Variants in TTC19 observed in about 807,000 individuals in gnomAD.
The protein encoded by TTC19 is tetratricopeptide repeat protein 19, mitochondrial.
In TTC19, 38 loss-of-function variants were observed where a neutral mutation model predicts 49.5. That is an observed-to-expected ratio of 0.77 (90% confidence interval 0.59 to 1.01). The LOEUF (loss-of-function observed/expected upper bound fraction) is 1.01, where lower values mean the gene tolerates loss of function less well. Ranked by LOEUF, TTC19 falls within the 50% of genes least tolerant of loss-of-function variation. The probability of loss-of-function intolerance (pLI) is 0.00; values close to 1 mark genes in which losing one functional copy is unlikely to be tolerated. For synonymous variants in TTC19, 204 were observed against 185.2 expected (o/e 1.10, Z -0.83); for missense variants, 475 against 477.7 (o/e 0.99, Z 0.05).
intron 2 of TTC19, among the ~76,000 whole-genome samples, chr17:16,037,718 A>C (rs930868596): frequency 7.2e-5 from 11 of 152,254 alleles, no homozygotes; most frequent in African/African-American, 2.7e-4. Flanking sequence ...AAGCTTCTTC[A>C]TGCTACTACA....
intron 2 of TTC19, among the ~76,000 whole-genome samples, chr17:16,041,573 C>T (rs1311915877): frequency 6.6e-6 from 1 of 151,258 alleles, no homozygotes; most frequent in Non-Finnish European, 1.5e-5. Flanking sequence ...CGCCACCATG[C>T]CCAGCTAATT....
chr17:16,030,481 T>C (rs1307757353), downstream of TTC19: 1 of 203,218 alleles, frequency 4.9e-6, no homozygotes, highest in East Asian at 7.5e-5. Flanking sequence ...CTCTAAAATA[T>C]TACCAGTACC....
chr17:16,026,752 C>T (rs1331943225), intron 9 of TTC19, 50 bp downstream of exon 9: 3 of 1,595,902 alleles, frequency 1.9e-6, no homozygotes, highest in Admixed American at 3.3e-5. Context: ...AGGGATGTCA[C>T]TGGATTGATA....
At chr17:16,044,997 A>C (rs1011668541) in exon 3 of TTC19, 11 of 477,742 alleles carry the variant, frequency 2.3e-5, no homozygotes, top group African/African-American at 6.0e-5. Context: ...AGCTGAACTT[A>C]AGAAAAAAAA....
At chr17:16,006,441 G>A (rs1390996177) in intron 6 of TTC19, 33 bp from the exon 7 acceptor site, 1 of 1,447,606 alleles carries the variant, frequency 6.9e-7, no homozygotes, top group African/African-American at 1.4e-5. Flanking sequence ...AAGAAGAAAA[G>A]GTAAATGGCT....
intron 9 of TTC19, 151 bp downstream of exon 9, chr17:16,026,853 G>A: frequency 1.2e-6 from 1 of 837,062 alleles, no homozygotes; most frequent in Non-Finnish European, 2.0e-6. Context: ...AGGAGGTATT[G>A]ATTAGGTTGA....
chr17:16,023,356 G>C (rs1259959822), intron 7 of TTC19: 1 of 152,074 alleles, frequency 6.6e-6, no homozygotes, highest in African/African-American at 2.4e-5. Flanking sequence ...TTGTACTTTT[G>C]TTTTACTACT....
chr17:16,027,045 TATC>T (rs1971583838), intron 9 of TTC19: 3 of 507,902 alleles, frequency 5.9e-6, no homozygotes, highest in Non-Finnish European at 1.1e-5. Flanking sequence ...TGACAGGAAG[TATC>T]ATTTTGTCAG....
chr17:16,016,466 T>C (rs1971219364), intron 7 of TTC19, among the ~76,000 whole-genome samples: 1 of 152,092 alleles, frequency 6.6e-6, no homozygotes, highest in African/African-American at 2.4e-5. Flanking sequence ...TTGAATGGAG[T>C]TTTCTATGAA....
At chr17:16,040,647 TA>T (rs776375466) in intron 2 of TTC19, 134 of 767,790 alleles carry the variant, frequency 1.7e-4, no homozygotes, top group South Asian at 6.6e-4. Context: ...AAAATGGAAG[TA>T]TTTTTTTTTT....
At chr17:16,000,914 T>C (rs1243048619) in intron 2 of TTC19, among the ~76,000 whole-genome samples, 2 of 152,210 alleles carry the variant, frequency 1.3e-5, no homozygotes, top group Non-Finnish European at 2.9e-5. Flanking sequence ...AAAAACCTCA[T>C]AGTCATTCTT....
At chr17:16,018,673 AT>A (rs1971283149) in intron 7 of TTC19, among the ~76,000 whole-genome samples, 1 of 151,850 alleles carries the variant, frequency 6.6e-6, no homozygotes, top group Non-Finnish European at 1.5e-5. Flanking sequence ...TGCCTGGCTA[AT>A]TTCCGGATTT....
chr17:16,033,572 T>G (rs1972982672), downstream of TTC19, among the ~76,000 whole-genome samples: 1 of 152,278 alleles, frequency 6.6e-6, no homozygotes, highest in East Asian at 1.9e-4. Context: ...TTCAGATTTT[T>G]TTCAGTGACA....
intron 9 of TTC19, 188 bp from the exon 10 acceptor site, chr17:16,027,186 G>A (rs1330511935): frequency 1.5e-5 from 10 of 669,646 alleles, no homozygotes; most frequent in African/African-American, 5.4e-5. Context: ...GGAAAGGGCC[G>A]TTAGGAATCC....
rs775218326 is a variant in TTC19 at position 16,025,150 on chromosome 17, A to C, written c.810A>C (p.Ile270=). ...YEKALQISEE[I]QGERHPQTIV... is the part of the protein sequence containing the mutation. ...AAGCTCTGCAGATTTCTGAAGAAAT[A>C]CAAGGAGAAAGACACCCACAGGTAA... The change falls in exon 8 of 10, where the codon ATA becomes ATC. Residue 270 remains isoleucine, a synonymous_variant. Transcript: ENST00000261647. 1.2e-6 allele frequency: 2 copies of C among 1,614,038 alleles called. No homozygotes were observed. The highest frequency in any genetic ancestry group is 1.7e-5 in the Admixed American group (1 of 60,008).
chr17:16,026,811 G>A (rs1449421954), intron 9 of TTC19, 109 bp downstream of exon 9: 30 of 1,162,190 alleles, frequency 2.6e-5, no homozygotes, highest in Non-Finnish European at 3.6e-5. Context: ...GAATAAACAT[G>A]TAAATTAAAA....
chr17:16,007,807 T>G (rs994463839), intron 7 of TTC19, among the ~76,000 whole-genome samples: 2 of 152,222 alleles, frequency 1.3e-5, no homozygotes, highest in Middle Eastern at 3.2e-3. Context: ...TTTCATTTAA[T>G]ATTTTTCGGA....
At chr17:16,021,193 C>G (rs1414088524) in intron 7 of TTC19, among the ~76,000 whole-genome samples, 1 of 152,098 alleles carries the variant, frequency 6.6e-6, no homozygotes, top group South Asian at 2.1e-4. Flanking sequence ...CAAGACCAGC[C>G]TGGCAAATAT....
chr17:16,012,105 C>G (rs1244779855), intron 7 of TTC19, among the ~76,000 whole-genome samples: 2 of 151,150 alleles, frequency 1.3e-5, no homozygotes, highest in African/African-American at 4.9e-5. Context: ...AATCCTTTGT[C>G]TCTTGGGTTT....
Sources: gnomAD v4.1 joint callset for allele counts (sites outside exome capture counted in the v4.1 genomes callset) on GRCh38, gnomAD v4.1.1 for gene constraint, MANE v1.5 for transcripts, NCBI Gene and HGNC (gene_info 2026-07-23, HGNC 2026-07-21) for gene names.